The following GIN1 variants were observed in gnomAD, a reference collection of about 807,000 sequenced individuals.
GIN1 encodes the protein gypsy retrotransposon integrase 1.
In GIN1, 41 loss-of-function variants were observed where a neutral mutation model predicts 51.4. The observed-to-expected ratio is 0.80, with a 90% CI of 0.62 to 1.04. The LOEUF (loss-of-function observed/expected upper bound fraction) is 1.04. Among genes scored for constraint, GIN1 ranks in the 50% least tolerant of loss-of-function variants. The pLI is 0.00. For missense variants in GIN1, 610 were observed against 612.4 expected (o/e 1.00, Z 0.04); for synonymous variants, 222 against 206.5 (o/e 1.07, Z -0.64).
rs372949713 is a variant in GIN1, at chr5:103,104,676, G to T, written c.504C>A (p.Phe168Leu). ...HVYAIIMTDL[F>L]TKWIVILPLC... is the part of the protein sequence containing the mutation. ...GAGGCAAAATCACAATCCATTTGGT[G>T]AACAAATCTGTCATGATTATAGCAT... Residue 168 changes from phenylalanine (F) to leucine (L), a missense_variant, in exon 4 of 8, where the codon TTC becomes TTA. Transcript: ENST00000399004. 6.2e-7 allele frequency: 1 copy of T among 1,612,118 alleles called. No individual in the cohort carries two copies. Among genetic ancestry groups the T allele is most frequent in the Admixed American group, 1.7e-5 (1 of 60,016 alleles).
chr5:103,116,572 C>G (rs138028024), intron 1 of GIN1, among the ~76,000 whole-genome samples: 178 of 151,986 alleles, frequency 1.2e-3, no homozygotes, highest in African/African-American at 4.1e-3. Flanking sequence ...GTAATGGCTT[C>G]CCAGACAGCA....
Position 103,108,564 on chromosome 5 carries a change from T to A in GIN1, c.139+5A>T, listed in dbSNP as rs1554196593. ...CAATAATCAAAATTTGAACATTAAT[T>A]TTACCTTTGAAGACAAATTTTTTTG... On this transcript the variant is annotated splice_donor_5th_base_variant and intron_variant, in intron 2 of 7. Coordinates refer to ENST00000399004, the MANE Select transcript of GIN1 (RefSeq NM_017676.2). The A allele has an allele frequency of 6.3e-7, 1 of 1,581,866 alleles. No individual in the cohort carries two copies. The highest frequency in any genetic ancestry group is 1.1e-5 in the South Asian group (1 of 88,090).
chr5:103,098,547 T>C (rs1583117525), intron 4 of GIN1, among the ~76,000 whole-genome samples: 1 of 152,134 alleles, frequency 6.6e-6, no homozygotes, highest in East Asian at 1.9e-4. Context: ...CAGCCTGCAC[T>C]ACCTGGGTTC....
intron 4 of GIN1, among the ~76,000 whole-genome samples, chr5:103,104,163 AG>A (rs1178907369): frequency 1.3e-5 from 2 of 152,060 alleles, no homozygotes; most frequent in Non-Finnish European, 2.9e-5. Context: ...CCTATTGCCC[AG>A]GTGGTCTCGA....
chr5:103,108,525 A>G, intron 2 of GIN1, 44 bp downstream of exon 2: 1 of 1,341,640 alleles, frequency 7.5e-7, no homozygotes, highest in Non-Finnish European at 1.1e-6. Flanking sequence ...GAATGTGGGG[A>G]AGAATCTACA....
At chr5:103,108,891 T>C (rs34832) in intron 1 of GIN1, among the ~76,000 whole-genome samples, 177 bp from the exon 2 acceptor site, 35,686 of 151,924 alleles carry the variant, frequency 0.23, 5,019 homozygotes, top group East Asian at 0.45. Flanking sequence ...ACAAAAATAC[T>C]CAAATGCTAT....
chr5:103,119,184 C>A (rs1185788470), intron 1 of GIN1, among the ~76,000 whole-genome samples: 3 of 152,122 alleles, frequency 2.0e-5, no homozygotes, highest in Non-Finnish European at 4.4e-5. Flanking sequence ...AACTGTTTCA[C>A]CAAGGGTTAA....
intron 1 of GIN1, among the ~76,000 whole-genome samples, chr5:103,116,351 C>T (rs1354891613): frequency 6.6e-6 from 1 of 152,022 alleles, no homozygotes; most frequent in Non-Finnish European, 1.5e-5. Context: ...TGATTTTCAA[C>T]AAAGGTGCCA....
chr5:103,097,524 T>C, intron 5 of GIN1, 34 bp from the exon 6 acceptor site: 2 of 1,483,644 alleles, frequency 1.3e-6, no homozygotes, highest in Non-Finnish European at 1.9e-6. Flanking sequence ...AATTTTGTAA[T>C]AAAACATTTA....
rs781968475 is a variant in GIN1, at chr5:103,087,884, A to C, written c.*14T>G. 2.6e-6 allele frequency: 3 copies of C among 1,140,296 alleles called. No homozygotes were observed. Among genetic ancestry groups the C allele is most frequent in the Non-Finnish European group, 3.7e-6 (3 of 807,920 alleles). 70.6% of individuals were successfully genotyped at this position (1,140,296 alleles called of 1,614,324 possible). A position where few individuals can be genotyped will look rare whatever the true frequency, so the allele number is the denominator to read the frequency against. ...ATATTCTAAACAAACAATTTAAATA[A>C]ATTTTGGTATTTACTAACTTAAGTA... On this transcript the variant is annotated 3_prime_UTR_variant, in exon 8 of 8. Transcript: ENST00000399004.
At chr5:103,116,923 A>G (rs927652430) in intron 1 of GIN1, among the ~76,000 whole-genome samples, 2 of 152,112 alleles carry the variant, frequency 1.3e-5, no homozygotes, top group Admixed American at 1.3e-4. Flanking sequence ...AATGCTAGGT[A>G]CTACCAAGGA....
At chr5:103,105,574 A>T (rs1450447107) in intron 3 of GIN1, among the ~76,000 whole-genome samples, 13 of 152,188 alleles carry the variant, frequency 8.5e-5, no homozygotes, top group Admixed American at 8.5e-4. Context: ...AATCGTGGGA[A>T]AAGAATAAAC....
In GIN1 at chr5:103,117,461, A is replaced by G. The variant is rs113328248; in HGVS notation, c.-8+2603T>C. Among the ~76,000 whole-genome samples the G allele has an allele frequency of 9.4e-3, 1,438 of 152,182 alleles. 10 individuals are homozygous for G. The highest frequency in any genetic ancestry group is 0.014 in the Non-Finnish European group (966 of 67,930). On this transcript the variant is annotated intron_variant, in intron 1 of 7. Coordinates refer to ENST00000399004, the MANE Select transcript of GIN1 (RefSeq NM_017676.2). ...CCTATTGGTCCCGTAAGATGATAGC[A>G]GAGCATATATAGAACCTGATATAGG...
chr5:103,086,444 C>T lies in GIN1; in HGVS notation c.*1454G>A, dbSNP rs1026671456. ...TAAGGTTTCCTACTTACCTTTTCAG[C>T]TTTATCCCTCATTATCTTGCTTCTT... On this transcript the variant is annotated 3_prime_UTR_variant, in exon 8 of 8. Transcript: ENST00000399004. 6.6e-6 allele frequency: 1 copy of T among 152,164 alleles called. No individual in the cohort carries two copies. Among genetic ancestry groups the T allele is most frequent in the South Asian group, 2.1e-4 (1 of 4,830 alleles). 9.4% of individuals were successfully genotyped at this position (152,164 alleles called of 1,614,324 possible).
intron 2 of GIN1, among the ~76,000 whole-genome samples, chr5:103,107,962 G>A (rs1050081007): frequency 6.6e-6 from 1 of 152,018 alleles, no homozygotes; most frequent in African/African-American, 2.4e-5. Context: ...ACTACTTGTT[G>A]TTTATCTCAT....
chr5:103,101,988 C>A (rs1439261281), intron 4 of GIN1, among the ~76,000 whole-genome samples: 1 of 152,156 alleles, frequency 6.6e-6, no homozygotes, highest in East Asian at 1.9e-4. Flanking sequence ...GCTTTATTTG[C>A]AAGATTGGCT....
chr5:103,090,721 T>C (rs1409827446), intron 7 of GIN1, among the ~76,000 whole-genome samples: 2 of 152,158 alleles, frequency 1.3e-5, no homozygotes, highest in Non-Finnish European at 2.9e-5. Context: ...CATATGTCAA[T>C]AGGGAAAAAT....
chr5:103,112,356 A>C (rs1031983310), intron 1 of GIN1, among the ~76,000 whole-genome samples: 2 of 152,196 alleles, frequency 1.3e-5, no homozygotes, highest in Admixed American at 1.3e-4. Context: ...TGACATAGTC[A>C]CCTTGAAACT....
intron 7 of GIN1, among the ~76,000 whole-genome samples, chr5:103,090,025 A>G (rs1404962216): frequency 6.6e-6 from 1 of 152,238 alleles, no homozygotes; most frequent in Non-Finnish European, 1.5e-5. Context: ...GCAGTGGCTC[A>G]TGCCTGTAAT....
Sources: allele counts gnomAD v4.1 joint callset (sites outside exome capture counted in the v4.1 genomes callset), GRCh38; gene constraint gnomAD v4.1.1; transcripts MANE v1.5; gene names NCBI Gene and HGNC (gene_info 2026-07-23, HGNC 2026-07-21).